CAMK1D: variants seen among roughly 807,000 people sequenced by gnomAD.
CAMK1D encodes the protein calcium/calmodulin dependent protein kinase ID.
In CAMK1D, 9 loss-of-function variants were observed where a neutral mutation model predicts 47.7. The ratio of observed to expected loss-of-function variants is 0.19; its 90% CI spans 0.11 to 0.33. CAMK1D has a LOEUF of 0.33. CAMK1D is among the 10% of genes least tolerant of loss of function. The pLI, the probability that CAMK1D is intolerant of heterozygous loss-of-function variation, is 1.00. For missense variants in CAMK1D, 291 were observed against 488.7 expected, an observed-to-expected ratio of 0.60 and a Z score of 3.81; for synonymous variants, 184 against 184.9, an observed-to-expected ratio of 0.99 and a Z score of 0.04.
chr10:12,616,034 GGTGT>G (rs889241491), intron 2 of CAMK1D, among the ~76,000 whole-genome samples: 1 of 149,844 alleles, frequency 6.7e-6, no homozygotes, highest in Non-Finnish European at 1.5e-5. Flanking sequence ...TGTGTGTGTG[GGTGT>G]GTGAGTGCAC....
At chr10:12,635,014 CCAGA>C (rs1301274944) in intron 2 of CAMK1D, among the ~76,000 whole-genome samples, 1 of 152,064 alleles carries the variant, frequency 6.6e-6, no homozygotes, top group African/African-American at 2.4e-5. Flanking sequence ...CAGCCGTGAC[CCAGA>C]CAGACAAAGT....
At chr10:12,517,652 G>T (rs1370636637) in intron 1 of CAMK1D, among the ~76,000 whole-genome samples, 14 of 152,188 alleles carry the variant, frequency 9.2e-5, no homozygotes, top group Non-Finnish European at 2.9e-5. Flanking sequence ...TTCTTAGTCT[G>T]TTAAAATGGT....
At chr10:12,363,511 T>C (rs1023128284) in intron 1 of CAMK1D, among the ~76,000 whole-genome samples, 7 of 152,316 alleles carry the variant, frequency 4.6e-5, no homozygotes, top group Non-Finnish European at 7.4e-5. Context: ...CTCTTCGGCC[T>C]CCTCTCTCAT....
At chr10:12,825,814 T>A in intron 10 of CAMK1D, 124 bp downstream of exon 10, 1 of 1,522,426 alleles carries the variant, frequency 6.6e-7, no homozygotes, top group Non-Finnish European at 8.9e-7. Flanking sequence ...CTTAATCCCA[T>A]GTCATGCGAC....
At chr10:12,540,030 C>T (rs1174442929) in intron 1 of CAMK1D, among the ~76,000 whole-genome samples, 2 of 152,158 alleles carry the variant, frequency 1.3e-5, no homozygotes, top group African/African-American at 2.4e-5. Flanking sequence ...CCACTCACCT[C>T]AGCCTCCCAA....
chr10:12,704,655 G>A (rs1364550536), intron 3 of CAMK1D, among the ~76,000 whole-genome samples: 2 of 152,146 alleles, frequency 1.3e-5, no homozygotes, highest in Non-Finnish European at 1.5e-5. Context: ...TTTATAAAAT[G>A]ACAACTGGGA....
At chr10:12,608,143 G>T (rs934379589) in intron 2 of CAMK1D, among the ~76,000 whole-genome samples, 12 of 152,196 alleles carry the variant, frequency 7.9e-5, no homozygotes, top group Non-Finnish European at 5.9e-5. Context: ...TTTAGGCCAG[G>T]CATGGTGGCT....
chr10:12,746,904 G>A (rs1303674658), intron 3 of CAMK1D, among the ~76,000 whole-genome samples: 1 of 152,160 alleles, frequency 6.6e-6, no homozygotes, highest in Non-Finnish European at 1.5e-5. Context: ...CTTTAGTTGG[G>A]GTTAATGGAA....
At chr10:12,442,732 T>C (rs1176846439) in intron 1 of CAMK1D, among the ~76,000 whole-genome samples, 1 of 152,208 alleles carries the variant, frequency 6.6e-6, no homozygotes, top group Non-Finnish European at 1.5e-5. Context: ...TCGAGTGTTT[T>C]TTTCTTCTTT....
chr10:12,402,537 G>C (rs1352883899), intron 1 of CAMK1D, among the ~76,000 whole-genome samples: 1 of 152,184 alleles, frequency 6.6e-6, no homozygotes, highest in African/African-American at 2.4e-5. Flanking sequence ...TTTTTATCCT[G>C]TCAGTGAGGA....
At chr10:12,792,089 G>A (rs1465459710) in intron 6 of CAMK1D, among the ~76,000 whole-genome samples, 2 of 152,078 alleles carry the variant, frequency 1.3e-5, no homozygotes, top group Non-Finnish European at 2.9e-5. Flanking sequence ...CTTTTCATGT[G>A]CCACTTTGGC....
intron 3 of CAMK1D, among the ~76,000 whole-genome samples, chr10:12,736,898 GTCT>G (rs1835215036): frequency 6.6e-6 from 1 of 152,184 alleles, no homozygotes; most frequent in Admixed American, 6.5e-5. Context: ...TGGCTTTCCG[GTCT>G]TCTCCTCTCT....
intron 1 of CAMK1D, among the ~76,000 whole-genome samples, chr10:12,403,495 A>G (rs1588447542): frequency 6.6e-6 from 1 of 152,312 alleles, no homozygotes; most frequent in East Asian, 1.9e-4. Context: ...AAGAGTGGGC[A>G]CTCAAAAAAT....
intron 3 of CAMK1D, among the ~76,000 whole-genome samples, chr10:12,678,810 A>C (rs1229419762): frequency 6.6e-6 from 1 of 151,994 alleles, no homozygotes; most frequent in Non-Finnish European, 1.5e-5. Flanking sequence ...AGAGTCTCAC[A>C]CTGTCACCCA....
chr10:12,619,256 A>G (rs774679280), intron 2 of CAMK1D, among the ~76,000 whole-genome samples: 2 of 152,096 alleles, frequency 1.3e-5, no homozygotes, highest in Admixed American at 6.6e-5. Flanking sequence ...AAACTAAGGC[A>G]TAGACAGGGT....
intron 1 of CAMK1D, among the ~76,000 whole-genome samples, chr10:12,455,655 T>C (rs562374006): frequency 2.6e-5 from 4 of 152,354 alleles, no homozygotes; most frequent in East Asian, 3.9e-4. Flanking sequence ...CTTTCTGTAG[T>C]TGATGGACAT....
chr10:12,730,276 G>C (rs1263138858), intron 3 of CAMK1D, among the ~76,000 whole-genome samples: 4 of 152,166 alleles, frequency 2.6e-5, no homozygotes, highest in Non-Finnish European at 5.9e-5. Context: ...GGGCCAGTAA[G>C]GGAAACAGAG....
Position 12,814,236 on chromosome 10 carries a change from A to G in CAMK1D, c.683A>G (p.Lys228Arg), listed in dbSNP as rs778470103. 3.7e-6 allele frequency: 6 copies of G among 1,613,916 alleles called. No individual in the cohort carries two copies. Among genetic ancestry groups the G allele is most frequent in the African/African-American group, 2.7e-5 (2 of 75,008 alleles). Reference sequence around the variant, plus strand: ...CCTTTTTATGATGAAAATGACTCCAAGCTCTTTGAGCAGATCCTCAAGGCG... The same window carrying G: ...CCTTTTTATGATGAAAATGACTCCAGGCTCTTTGAGCAGATCCTCAAGGCG... ...YPPFYDENDS[K>R]LFEQILKAEY... is the part of the protein sequence containing the mutation. Residue 228 changes from lysine to arginine, a missense_variant, in exon 7 of 11, where the codon AAG (lysine) becomes AGG (arginine). By Grantham distance (26) the Lys-to-Arg change is conservative. This residue lies in a region of CAMK1D where 219 missense variants were observed against 424.3 expected (regional missense o/e 0.52). Transcript: ENST00000619168.
chr10:12,482,977 C>A (rs568020432), intron 1 of CAMK1D, among the ~76,000 whole-genome samples: 25 of 152,250 alleles, frequency 1.6e-4, no homozygotes, highest in African/African-American at 6.0e-4. Context: ...GCCCACATTA[C>A]GGTGCTAGCT....
Sources: allele counts gnomAD v4.1 joint callset (sites outside exome capture counted in the v4.1 genomes callset), GRCh38; gene constraint gnomAD v4.1.1; regional missense constraint gnomAD v4.1.1; transcripts MANE v1.5; gene names NCBI Gene and HGNC (gene_info 2026-07-23, HGNC 2026-07-21).